PCLO: variants seen among roughly 807,000 people sequenced by gnomAD.
PCLO encodes the protein piccolo presynaptic cytomatrix protein, also known as protein piccolo.
PCLO carries 82 observed loss-of-function variants against 427.5 expected under a neutral mutation model. The observed-to-expected ratio is 0.19, with a 90% CI of 0.16 to 0.23. The LOEUF is 0.23. Ranked by LOEUF, PCLO falls within the 10% of genes least tolerant of loss-of-function variation. The pLI, the probability that PCLO is intolerant of heterozygous loss-of-function variation, is 1.00. For synonymous variants in PCLO, 2,357 were observed against 2,155.4 expected (o/e 1.09, Z -2.59); for missense variants, 6,239 against 6,115.9 (o/e 1.02, Z -0.67).
At chr7:83,038,019 A>ATCTTTATATATATATCTT (rs1788849847) in intron 3 of PCLO, among the ~76,000 whole-genome samples, 1 of 47,054 alleles carries the variant, frequency 2.1e-5, no homozygotes, top group African/African-American at 1.3e-4. Context: ...ATATATATAT[A>ATCTTTATATATATATCTT]TATATATATA....
In PCLO at chr7:82,902,703, A is replaced by C. The variant is rs199951794; in HGVS notation, c.13476T>G (p.Phe4492Leu). 4 of 1,602,866 alleles carry C rather than the reference A, an allele frequency of 2.5e-6. No individual in the cohort carries two copies. The African/African-American group carries it at 5.4e-5, about 21-fold the overall frequency. Residue 4492 changes from phenylalanine to leucine, a missense_variant, in exon 9 of 25, where the codon TTT becomes TTG. Around this residue, in one of 5 missense-constraint regions of PCLO, gnomAD observed 877 missense variants for 925.5 expected, o/e 0.95. Coordinates refer to ENST00000333891, the MANE Select transcript of PCLO (RefSeq NM_033026.6). The stretch of plus-strand genomic sequence containing the variant: ...TTGTTATTTTTATCCTTGCGTGAGG[A>C]AAGATGTAGTGCATAGTTTTCCCGT... The part of the protein sequence containing the change: ...QMNGKTMHYI[F>L]PHARIKITRD...
chr7:82,765,677 A>C (rs1166262376), intron 22 of PCLO, among the ~76,000 whole-genome samples: 1 of 152,032 alleles, frequency 6.6e-6, no homozygotes, highest in Non-Finnish European at 1.5e-5. Context: ...GACAGATGGG[A>C]AACTACAAAT....
At chr7:83,008,951 T>TA (rs969738159) in intron 3 of PCLO, among the ~76,000 whole-genome samples, 21 of 151,250 alleles carry the variant, frequency 1.4e-4, no homozygotes, top group Admixed American at 6.6e-4. Flanking sequence ...TAAGCAAATA[T>TA]AAAAAAAATC....
At chr7:83,043,899 T>C (rs543759127) in intron 3 of PCLO, among the ~76,000 whole-genome samples, 5 of 143,366 alleles carry the variant, frequency 3.5e-5, no homozygotes, top group African/African-American at 1.3e-4. Flanking sequence ...CTCAATCTTA[T>C]TACTATTATT....
intron 3 of PCLO, among the ~76,000 whole-genome samples, chr7:82,986,353 G>GCT (rs10630647): frequency 0.78 from 118,164 of 151,486 alleles, 46,298 homozygotes; most frequent in East Asian, 0.92. Context: ...TTAGAAATAT[G>GCT]CTCTTTTAAT....
rs749276971 is a variant in PCLO, at chr7:82,879,439, C to T, written c.13552G>A (p.Val4518Met). 1.2e-6 allele frequency: 2 copies of T among 1,602,618 alleles called. No individual in the cohort carries two copies. Among genetic ancestry groups the T allele is most frequent in the East Asian group, 2.2e-5 (1 of 44,588 alleles). ...TGTCCCGGGATTTCTTTACCACCCA[C>T]AATTCTAATTCCTAATCCATTACCT... is the stretch of plus-strand genomic sequence containing the variant. ...VSGNGLGIRIVGGKEIPGHSG... is the reference protein window; with the variant it reads ...VSGNGLGIRIMGGKEIPGHSG... Residue 4518 changes from valine (V) to methionine (M), a missense_variant, in exon 10 of 25, where the codon GTG becomes ATG. By Grantham distance (21) the Val-to-Met change is conservative. Transcript: ENST00000333891.
chr7:83,162,747 G>A lies in PCLO; in HGVS notation c.-155C>T. ...TGGACCAGGCACTGCCGCCCGGAAC[G>A]CCAGGCAGGGGTTAGTCCCGCTCGC... On this transcript the variant is annotated 5_prime_UTR_variant, in exon 1 of 25. Transcript: ENST00000333891. The A allele has an allele frequency of 1.0e-6, 1 of 963,286 alleles. No individual in the cohort carries two copies. Among genetic ancestry groups the A allele is most frequent in the Non-Finnish European group, 1.5e-6 (1 of 672,098 alleles). The allele number at this position is 963,286 out of a possible 1,614,324, so 59.7% of individuals were successfully genotyped here.
chr7:82,977,273 T>C (rs1479481901), intron 3 of PCLO, among the ~76,000 whole-genome samples: 2 of 151,950 alleles, frequency 1.3e-5, no homozygotes, highest in African/African-American at 4.8e-5. Context: ...CACACTTTTT[T>C]ATATTATTTA....
At chr7:83,076,907 A>T (rs994578013) in intron 3 of PCLO, among the ~76,000 whole-genome samples, 1 of 151,870 alleles carries the variant, frequency 6.6e-6, no homozygotes, top group East Asian at 1.9e-4. Context: ...AGTAAACACT[A>T]TAAATCTAAC....
chr7:83,005,641 A>G (rs1416115796), intron 3 of PCLO, among the ~76,000 whole-genome samples: 1 of 151,640 alleles, frequency 6.6e-6, no homozygotes, highest in Non-Finnish European at 1.5e-5. Context: ...AGTGATGAAT[A>G]TGTTTATCTG....
chr7:83,136,914 T>C (rs1056487658), intron 2 of PCLO, among the ~76,000 whole-genome samples: 1 of 152,200 alleles, frequency 6.6e-6, no homozygotes, highest in African/African-American at 2.4e-5. Context: ...ACCTTTTTTA[T>C]TATTCTAAAA....
intron 1 of PCLO, among the ~76,000 whole-genome samples, chr7:83,157,985 C>A (rs1365456585): frequency 6.6e-6 from 1 of 151,924 alleles, no homozygotes; most frequent in African/African-American, 2.4e-5. Context: ...AATTTCCTGA[C>A]ATAGAAATTT....
intron 3 of PCLO, among the ~76,000 whole-genome samples, chr7:83,022,247 T>G (rs1310346411): frequency 6.6e-6 from 1 of 152,336 alleles, no homozygotes; most frequent in South Asian, 2.1e-4. Context: ...GCTGGTGTCT[T>G]GATCTTAGAC....
intron 6 of PCLO, among the ~76,000 whole-genome samples, chr7:82,917,164 G>A (rs1338820555): frequency 6.6e-6 from 1 of 151,978 alleles, no homozygotes; most frequent in African/African-American, 2.4e-5. Context: ...TATTTCCAGA[G>A]TGTTTTATTA....
At chr7:83,070,752 G>A (rs575129194) in intron 3 of PCLO, among the ~76,000 whole-genome samples, 2 of 152,260 alleles carry the variant, frequency 1.3e-5, no homozygotes, top group African/African-American at 4.8e-5. Context: ...ACACTAAACA[G>A]TGACAACAGA....
chr7:82,971,448 G>A (rs1795901852), intron 3 of PCLO, among the ~76,000 whole-genome samples: 1 of 150,056 alleles, frequency 6.7e-6, no homozygotes, highest in Non-Finnish European at 1.5e-5. Flanking sequence ...GTATACATCT[G>A]TAATACACAC....
intron 3 of PCLO, among the ~76,000 whole-genome samples, chr7:83,132,691 T>A (rs1791604424): frequency 6.6e-6 from 1 of 152,146 alleles, no homozygotes; most frequent in African/African-American, 2.4e-5. Context: ...CACCCATTTT[T>A]AAGTGTGTAA....
chr7:83,092,332 T>C (rs1240524567), intron 3 of PCLO, among the ~76,000 whole-genome samples: 1 of 152,184 alleles, frequency 6.6e-6, no homozygotes, highest in Non-Finnish European at 1.5e-5. Flanking sequence ...CTTAAGCCAT[T>C]ATCCCTTATT....
intron 18 of PCLO, among the ~76,000 whole-genome samples, chr7:82,825,088 C>G (rs2247523): frequency 0.42 from 63,775 of 151,976 alleles, 15,062 homozygotes; most frequent in East Asian, 0.85. Flanking sequence ...CAATTACAAA[C>G]TTATTTATTC....
Sources: gnomAD v4.1 joint callset for allele counts (sites outside exome capture counted in the v4.1 genomes callset) on GRCh38, gnomAD v4.1.1 for gene constraint, gnomAD v4.1.1 regional missense constraint, MANE v1.5 for transcripts, NCBI Gene and HGNC (gene_info 2026-07-23, HGNC 2026-07-21) for gene names.